ARHGEF6: variants seen among roughly 807,000 people sequenced by gnomAD.
The protein encoded by ARHGEF6 is Rac/Cdc42 guanine nucleotide exchange factor 6, also known as rho guanine nucleotide exchange factor 6.
In ARHGEF6, 9 loss-of-function variants were observed where a neutral mutation model predicts 70.3. That is an observed-to-expected ratio of 0.13 (90% CI 0.08 to 0.22). The LOEUF is 0.22. Ranked by LOEUF, ARHGEF6 falls within the 10% of genes least tolerant of loss-of-function variation. ARHGEF6 has a pLI of 1.00. For synonymous variants in ARHGEF6, 201 were observed against 207.8 expected (o/e 0.97, Z 0.28); for missense variants, 470 against 563.0 (o/e 0.83, Z 1.67).
At chrX:136,770,121 C>A (rs1051071335) in intron 2 of ARHGEF6, among the ~76,000 whole-genome samples, 1 of 111,994 alleles carries the variant, frequency 8.9e-6, no homozygotes, top group Admixed American at 9.5e-5. Context: ...TTATCTATCA[C>A]AATTTTACAC....
chrX:136,753,871 C>T (rs1274407323), intron 2 of ARHGEF6, among the ~76,000 whole-genome samples: 3 of 112,448 alleles, frequency 2.7e-5, no homozygotes. Context: ...CTTGCTGCCA[C>T]TGCATCGTGG....
chrX:136,776,745 AAAAT>A (rs760888063), intron 2 of ARHGEF6, among the ~76,000 whole-genome samples: 13 of 111,733 alleles, frequency 1.2e-4, no homozygotes, highest in Admixed American at 1.9e-4. Context: ...TCTGCACAGC[AAAAT>A]AAATAATCAG....
chrX:136,698,298 A>G (rs774282033), intron 9 of ARHGEF6, among the ~76,000 whole-genome samples: 5 of 111,604 alleles, frequency 4.5e-5, no homozygotes, highest in African/African-American at 1.6e-4. Flanking sequence ...GAACATATAC[A>G]TAATGGAAGT....
chrX:136,778,180 C>T (rs1050907092), intron 2 of ARHGEF6, among the ~76,000 whole-genome samples: 1 of 111,464 alleles, frequency 9.0e-6, no homozygotes, highest in Non-Finnish European at 1.9e-5. Flanking sequence ...CCTATGAATT[C>T]GGTGCCACTA....
intron 6 of ARHGEF6, among the ~76,000 whole-genome samples, chrX:136,718,235 C>A (rs1289574507): frequency 9.0e-6 from 1 of 111,029 alleles, no homozygotes; most frequent in African/African-American, 3.3e-5. Flanking sequence ...TTAGACAGAG[C>A]AAACATTAGA....
At chrX:136,730,414 A>T (rs1170286095) in intron 6 of ARHGEF6, among the ~76,000 whole-genome samples, 2 of 112,028 alleles carry the variant, frequency 1.8e-5, no homozygotes, top group Non-Finnish European at 3.8e-5. Context: ...ATGTGGATTT[A>T]AAAAAACCAA....
chrX:136,682,645 C>T (rs770105964), intron 13 of ARHGEF6, 113 bp downstream of exon 13: 1 of 581,029 alleles, frequency 1.7e-6, no homozygotes, highest in African/African-American at 2.2e-5. Context: ...AGGGTCAGAA[C>T]ATTCTGGTTC....
At position 136,674,128 on chromosome X, in the gene ARHGEF6, A is replaced by C. The variant is rs187911148; in HGVS notation, c.2035+879T>G. Among the ~76,000 whole-genome samples, 5 of 112,338 alleles carry C rather than the reference A, an allele frequency of 4.5e-5. No individual in the cohort carries two copies. The Admixed American group carries it at 4.7e-4, about 10-fold the overall frequency. On this transcript the variant is annotated intron_variant, in intron 19 of 21. Transcript: ENST00000250617. ...GGGATCTGCCTGCTTTGGCCTCCCA[A>C]AGTGCTGGATTACAGGCGTGAGCCA...
intron 15 of ARHGEF6, among the ~76,000 whole-genome samples, chrX:136,680,199 C>T (rs2076319399): frequency 8.9e-6 from 1 of 112,596 alleles, no homozygotes; most frequent in Non-Finnish European, 1.9e-5. Context: ...GCATATCTTC[C>T]ATCTCACTCA....
intron 5 of ARHGEF6, among the ~76,000 whole-genome samples, chrX:136,733,335 AT>A (rs1008497477): frequency 9.0e-6 from 1 of 111,201 alleles, no homozygotes; most frequent in African/African-American, 3.3e-5. Context: ...TCAGACCTTG[AT>A]TTTTTTAATA....
intron 13 of ARHGEF6, 62 bp downstream of exon 13, chrX:136,682,696 T>C: frequency 1.1e-6 from 1 of 928,977 alleles, no homozygotes; most frequent in Non-Finnish European, 1.6e-6. Context: ...AGATATTGCA[T>C]CTGGATGGAA....
At chrX:136,675,669 C>G (rs1006113353) in intron 18 of ARHGEF6, among the ~76,000 whole-genome samples, 9 of 110,109 alleles carry the variant, frequency 8.2e-5, no homozygotes, top group African/African-American at 3.0e-4. Flanking sequence ...GCACCCGCCA[C>G]CACACCCGGC....
chrX:136,705,388 T>C (rs1448629991), intron 9 of ARHGEF6, among the ~76,000 whole-genome samples: 1 of 111,630 alleles, frequency 9.0e-6, no homozygotes, highest in East Asian at 2.8e-4. Context: ...AGGTGCTCAT[T>C]TTATTGTGAT....
At chrX:136,686,186 C>T (rs766771505) in intron 11 of ARHGEF6, among the ~76,000 whole-genome samples, 85 of 112,151 alleles carry the variant, frequency 7.6e-4, no homozygotes, top group Non-Finnish European at 1.4e-3. Context: ...TGGTTGGTGC[C>T]CCTGCTTTAG....
At chrX:136,675,126 A>G in intron 18 of ARHGEF6, 30 bp from the exon 19 acceptor site, 1 of 1,145,784 alleles carries the variant, frequency 8.7e-7, no homozygotes, top group African/African-American at 1.8e-5. Context: ...ATGACTTTTC[A>G]TAGATATATG....
At position 136,747,744 on chromosome X, in the gene ARHGEF6, G is replaced by C. The variant is rs769996693; in HGVS notation, c.250-152C>G. On this transcript the variant is annotated intron_variant, in intron 2 of 21. Transcript: ENST00000250617. ...GACACAAACCTCCATATACCTTTGG[G>C]AGAAATGAGAGCAGCAGTTGAGCCG... The C allele has an allele frequency of 4.8e-5, 21 of 439,172 alleles. No homozygotes were observed. In the African/African-American group the frequency reaches 4.9e-4, roughly 10 times the overall value. The allele number at this position is 439,172 out of a possible 1,213,427, so 36.2% of individuals were successfully genotyped here.
chrX:136,677,176 C>T (rs1168889893), intron 17 of ARHGEF6, among the ~76,000 whole-genome samples: 1 of 112,337 alleles, frequency 8.9e-6, no homozygotes, highest in Non-Finnish European at 1.9e-5. Flanking sequence ...AATAATTCTG[C>T]CTTAGAAACA....
chrX:136,714,220 C>A (rs1313001286), intron 6 of ARHGEF6, among the ~76,000 whole-genome samples: 1 of 111,203 alleles, frequency 9.0e-6, no homozygotes, highest in Non-Finnish European at 1.9e-5. Context: ...CTTCCCCTAC[C>A]AGTTCTAGGG....
At chrX:136,675,505 ATTTTC>A (rs911367515) in intron 18 of ARHGEF6, among the ~76,000 whole-genome samples, 6 of 108,469 alleles carry the variant, frequency 5.5e-5, no homozygotes, top group African/African-American at 1.0e-4. Context: ...ACCCCACTCA[ATTTTC>A]TTTTCTTTTC....
Sources: gnomAD v4.1 joint callset for allele counts (sites outside exome capture counted in the v4.1 genomes callset) on GRCh38, gnomAD v4.1.1 for gene constraint, MANE v1.5 for transcripts, NCBI Gene and HGNC (gene_info 2026-07-23, HGNC 2026-07-21) for gene names.